The following MACF1 variants were observed in gnomAD, a reference collection of about 807,000 sequenced individuals.
MACF1 encodes microtubule-actin cross-linking factor 1.
Under a neutral mutation model 854.8 loss-of-function variants are expected in MACF1, and 193 were observed. That is an observed-to-expected ratio of 0.23 (90% CI 0.20 to 0.25). The LOEUF (loss-of-function observed/expected upper bound fraction) is 0.25, where lower values mean the gene tolerates loss of function less well. MACF1 is among the 10% of genes least tolerant of loss of function. MACF1 has a pLI of 1.00. For synonymous variants in MACF1, 3,185 were observed against 3,226.7 expected (o/e 0.99, Z 0.44); for missense variants, 7,722 against 8,929.1 (o/e 0.86, Z 5.45).
chr1:39,231,139 T>G, intron 1 of MACF1, 43 bp from the exon 2 acceptor site: 1 of 1,521,062 alleles, frequency 6.6e-7, no homozygotes. Context: ...ACCTGTTACC[T>G]GGGTAGCACT....
Position 39,332,332 on chromosome 1 carries a change from A to G in MACF1, c.5744A>G (p.Asn1915Ser), listed in dbSNP as rs1300721117. 1.1e-5 allele frequency: 18 copies of G among 1,613,948 alleles called. No individual in the cohort carries two copies. The highest frequency in any genetic ancestry group is 1.4e-5 in the Non-Finnish European group (17 of 1,180,032). ...ESGILDRDLANNLKSICIPDV... is the reference protein window; with the variant it reads ...ESGILDRDLASNLKSICIPDV... ...GGTATCCTGGATAGAGATCTTGCCA[A>G]TAACTTAAAATCGATTTGTATACCT... Residue 1915 changes from asparagine (N) to serine (S), a missense_variant, in exon 37 of 101, where the codon AAT (asparagine) becomes AGT (serine). Asn to Ser is a conservative substitution (Grantham distance 46). This residue lies in a region of MACF1 where 1,531 missense variants were observed against 1,601.6 expected (regional missense o/e 0.96). Transcript: ENST00000564288.
intron 78 of MACF1, among the ~76,000 whole-genome samples, 161 bp from the exon 79 acceptor site, chr1:39,443,285 G>T (rs1405017036): frequency 6.6e-6 from 1 of 152,186 alleles, no homozygotes; most frequent in Non-Finnish European, 1.5e-5. Flanking sequence ...CTAGATTCTA[G>T]CAATAATATT....
chr1:39,461,648 C>T (rs147878481), intron 92 of MACF1, among the ~76,000 whole-genome samples: 13,118 of 151,898 alleles, frequency 0.086, 775 homozygotes, highest in Non-Finnish European at 0.13. Context: ...AAAAATTAGC[C>T]GGGCCTGGTG....
intron 2 of MACF1, among the ~76,000 whole-genome samples, chr1:39,127,054 C>T (rs1016152048): frequency 6.6e-6 from 1 of 151,750 alleles, no homozygotes; most frequent in African/African-American, 2.4e-5. Context: ...GAAACCCCGA[C>T]TCTACTAAAA....
At chr1:39,273,570 T>C (rs1645371564) in intron 6 of MACF1, among the ~76,000 whole-genome samples, 1 of 152,140 alleles carries the variant, frequency 6.6e-6, no homozygotes, top group African/African-American at 2.4e-5. Context: ...GGTAAAGTTA[T>C]AGTTTAGAAC....
intron 2 of MACF1, chr1:39,102,704 T>A (rs1642123527): frequency 1.4e-6 from 1 of 697,492 alleles, no homozygotes; most frequent in Admixed American, 2.0e-5. Context: ...TTCCACTAGA[T>A]GCCCTTCCGA....
chr1:39,173,170 T>C (rs893401121), intron 2 of MACF1, among the ~76,000 whole-genome samples: 1 of 151,498 alleles, frequency 6.6e-6, no homozygotes, highest in Non-Finnish European at 1.5e-5. Context: ...TGAAATCCCG[T>C]CTCTACTAAA....
chr1:39,155,906 G>A (rs1643674086), intron 2 of MACF1, among the ~76,000 whole-genome samples: 2 of 142,330 alleles, frequency 1.4e-5, no homozygotes, highest in Admixed American at 1.4e-4. Flanking sequence ...TTTTTTTTTT[G>A]AGATGGAGTC....
Position 39,463,608 on chromosome 1 carries a change from A to G in MACF1, c.21679-4A>G, listed in dbSNP as rs761556779. On this transcript the variant is annotated splice_polypyrimidine_tract_variant and splice_region_variant and intron_variant, in intron 93 of 100. Transcript: ENST00000564288. ...ACACTTTCCTTTTTGTTCACACCCA[A>G]TAGGTTACAAGACAAGTGGCTCAGT... 1 of 1,612,674 alleles carries G rather than the reference A, an allele frequency of 6.2e-7. No homozygotes were observed. Among genetic ancestry groups the G allele is most frequent in the Non-Finnish European group, 8.5e-7 (1 of 1,178,776 alleles).
At chr1:39,379,990 A>G (rs895554420) in intron 54 of MACF1, among the ~76,000 whole-genome samples, 1 of 152,150 alleles carries the variant, frequency 6.6e-6, no homozygotes, top group African/African-American at 2.4e-5. Flanking sequence ...GTTTATTTTG[A>G]TTAATAATTC....
intron 46 of MACF1, 52 bp downstream of exon 46, chr1:39,358,925 C>A: frequency 6.5e-7 from 1 of 1,540,966 alleles, no homozygotes; most frequent in South Asian, 1.2e-5. Flanking sequence ...TATTCCATGG[C>A]GTAAAGTACC....
At chr1:39,469,375 C>A (rs1283219655) in intron 96 of MACF1, among the ~76,000 whole-genome samples, 172 bp from the exon 97 acceptor site, 1 of 152,184 alleles carries the variant, frequency 6.6e-6, no homozygotes, top group African/African-American at 2.4e-5. Context: ...AAGAGATGAC[C>A]GGTTCCAATT....
In MACF1 at chr1:39,349,611, A is replaced by G. The variant is rs149604772; in HGVS notation, c.10949A>G (p.Asn3650Ser). 18 of 1,613,844 alleles carry G rather than the reference A, an allele frequency of 1.1e-5. No individual in the cohort carries two copies. Among genetic ancestry groups the G allele is most frequent in the Non-Finnish European group, 1.5e-5 (18 of 1,179,926 alleles). Reference sequence around the variant, plus strand: ...CAGGATCTCTCTGCTTTGCAGAAGAACCAAAGTGACTTGAAGGTCAGTGTG... The same window carrying G: ...CAGGATCTCTCTGCTTTGCAGAAGAGCCAAAGTGACTTGAAGGTCAGTGTG... ...TQQDLSALQK[N>S]QSDLKDLQDD... is the part of the protein sequence containing the mutation. Residue 3650 changes from asparagine to serine, a missense_variant, in exon 42 of 101, where the codon AAC (asparagine) becomes AGC (serine). By Grantham distance (46) the Asn-to-Ser change is conservative. Coordinates refer to ENST00000564288, the MANE Select transcript of MACF1 (RefSeq NM_001394062.1).
At chr1:39,174,021 G>C (rs537070905) in intron 2 of MACF1, among the ~76,000 whole-genome samples, 1 of 151,966 alleles carries the variant, frequency 6.6e-6, no homozygotes, top group Non-Finnish European at 1.5e-5. Context: ...TAGCTAAATA[G>C]AACTAAGGGA....
Position 39,444,716 on chromosome 1 carries a change from A to G in MACF1, c.19486A>G (p.Lys6496Glu). ...AGAGACTTATAATCAACTACTTGACAAGGGCAGACTCATGCTTCTAAGCCG... is the reference window on the plus strand; with the variant it reads ...AGAGACTTATAATCAACTACTTGACGAGGGCAGACTCATGCTTCTAAGCCG... The part of the protein sequence containing the change: ...KEETYNQLLD[K>E]GRLMLLSRDD... Residue 6496 changes from lysine (K) to glutamate (E), a missense_variant, in exon 80 of 101, where the codon AAG becomes GAG. Transcript: ENST00000564288. The G allele has an allele frequency of 1.2e-6, 2 of 1,614,102 alleles. No individual in the cohort carries two copies. The highest frequency in any genetic ancestry group is 2.7e-5 in the African/African-American group (2 of 75,064).
chr1:39,138,131 C>T (rs1173321990), intron 2 of MACF1, among the ~76,000 whole-genome samples: 1 of 147,914 alleles, frequency 6.8e-6, no homozygotes, highest in African/African-American at 2.5e-5. Flanking sequence ...ATTTCTATTT[C>T]AACAAATTTG....
At position 39,244,118 on chromosome 1, in the gene MACF1, T is replaced by G. The variant is rs542894807; in HGVS notation, c.172-5896T>G. 7.8e-4 allele frequency among the ~76,000 whole-genome samples: 119 copies of G among 151,974 alleles called. No individual in the cohort carries two copies. The East Asian group carries it at 9.1e-3, about 12-fold the overall frequency. On this transcript the variant is annotated intron_variant, in intron 2 of 100. Coordinates refer to ENST00000564288, the MANE Select transcript of MACF1 (RefSeq NM_001394062.1). ...TTTATTTTTTATTAAAAATTTTTTT[T>G]GGGGGGGACAGAGTCTCACTCTGTT...
intron 6 of MACF1, among the ~76,000 whole-genome samples, chr1:39,259,314 T>C (rs754931101): frequency 7.2e-5 from 11 of 152,224 alleles, no homozygotes; most frequent in Non-Finnish European, 1.6e-4. Context: ...GCTCTTGGAT[T>C]GCAATGATGT....
At chr1:39,323,070 T>C in intron 33 of MACF1, 62 bp downstream of exon 33, 5 of 1,496,864 alleles carry the variant, frequency 3.3e-6, no homozygotes, top group Non-Finnish European at 2.8e-6. Context: ...GCCAGCACGG[T>C]GGTGTGTGCC....
Sources: allele counts gnomAD v4.1 joint callset (sites outside exome capture counted in the v4.1 genomes callset), GRCh38; gene constraint gnomAD v4.1.1; regional missense constraint gnomAD v4.1.1; transcripts MANE v1.5; gene names NCBI Gene and HGNC (gene_info 2026-07-23, HGNC 2026-07-21).